Variants in EPB41L5 observed in about 807,000 individuals in gnomAD.
The protein encoded by EPB41L5 is band 4.1-like protein 5.
In EPB41L5, 55 loss-of-function variants were observed where a neutral mutation model predicts 106.6. That is an observed-to-expected ratio of 0.52 (90% CI 0.42 to 0.65). EPB41L5 has a LOEUF of 0.65. Among genes scored for constraint, EPB41L5 ranks in the 30% least tolerant of loss-of-function variants. EPB41L5 has a pLI of 0.00. For synonymous variants in EPB41L5, 297 were observed against 306.7 expected, an observed-to-expected ratio of 0.97 and a Z score of 0.33; for missense variants, 871 against 882.1, an observed-to-expected ratio of 0.99 and a Z score of 0.16.
rs558786204 is a variant in EPB41L5 at position 120,070,705 on chromosome 2, T to TC, written c.286-2471dup. 1.6e-3 allele frequency among the ~76,000 whole-genome samples: 250 copies of TC among 152,300 alleles called. 1 individual carries two copies. Among genetic ancestry groups the TC allele is most frequent in the African/African-American group, 5.8e-3 (240 of 41,560 alleles). ...AACATACGCAAATCAATAAACGTAA[T>TC]CCATCAGCTAAACAGAACCAATGAC... On this transcript the variant is annotated intron_variant, in intron 3 of 24. Transcript: ENST00000263713.
intron 13 of EPB41L5, among the ~76,000 whole-genome samples, 174 bp downstream of exon 13, chr2:120,091,835 A>G (rs530829113): frequency 1.3e-5 from 2 of 152,210 alleles, no homozygotes; most frequent in Non-Finnish European, 2.9e-5. Flanking sequence ...AATTGCCTGT[A>G]TTGTTAGCAG....
At chr2:120,037,724 A>C (rs941095782) in intron 2 of EPB41L5, among the ~76,000 whole-genome samples, 1 of 152,174 alleles carries the variant, frequency 6.6e-6, no homozygotes, top group African/African-American at 2.4e-5. Context: ...GAATAGAGAG[A>C]CTAGAAACAA....
At chr2:120,104,022 G>T in intron 16 of EPB41L5, 1 of 1,488,766 alleles carries the variant, frequency 6.7e-7, no homozygotes, top group South Asian at 1.3e-5. Context: ...TATTCCTATT[G>T]ACTAACTGTG....
intron 16 of EPB41L5, among the ~76,000 whole-genome samples, chr2:120,103,652 C>T (rs1324508596): frequency 1.3e-5 from 2 of 151,814 alleles, no homozygotes; most frequent in Non-Finnish European, 2.9e-5. Context: ...TGCTTTTGTC[C>T]TTATGTAGAG....
intron 22 of EPB41L5, among the ~76,000 whole-genome samples, chr2:120,165,359 A>G (rs1423468069): frequency 1.3e-5 from 2 of 152,214 alleles, no homozygotes; most frequent in Non-Finnish European, 2.9e-5. Flanking sequence ...ACCAAAATCC[A>G]TGCATGCTTA....
Position 120,164,960 on chromosome 2 carries a change from A to G in EPB41L5, c.1962+50A>G, listed in dbSNP as rs184309997. On this transcript the variant is annotated intron_variant, in intron 22 of 24. Coordinates refer to ENST00000263713, the MANE Select transcript of EPB41L5 (RefSeq NM_020909.4). ...ATGGAAAGAAATTTCTGTTTTGAAA[A>G]ATGTTCCTGCTAGATTCCAGTTTTT... 3.5e-3 allele frequency: 4,788 copies of G among 1,366,964 alleles called. 17 individuals are homozygous for G. The highest frequency in any genetic ancestry group is 5.9e-3 in the Admixed American group (284 of 48,092). 84.7% of individuals were successfully genotyped at this position (1,366,964 alleles called of 1,614,324 possible). A position where few individuals can be genotyped will look rare whatever the true frequency, so the allele number is the denominator to read the frequency against.
chr2:120,049,670 G>T (rs548369930), intron 3 of EPB41L5, among the ~76,000 whole-genome samples: 11 of 152,226 alleles, frequency 7.2e-5, no homozygotes, highest in African/African-American at 2.6e-4. Flanking sequence ...TACGTTTAAG[G>T]TTAATATTGC....
chr2:120,048,854 T>C (rs1158121187), intron 3 of EPB41L5, among the ~76,000 whole-genome samples: 1 of 152,238 alleles, frequency 6.6e-6, no homozygotes, highest in African/African-American at 2.4e-5. Context: ...CCAGAGATTC[T>C]GGTATGTTGT....
At chr2:120,105,413 C>T (rs1684391507) in intron 16 of EPB41L5, 5 of 984,468 alleles carry the variant, frequency 5.1e-6, no homozygotes, top group Non-Finnish European at 4.8e-6. Context: ...ATGCATCCTG[C>T]TCACATAGAG....
intron 16 of EPB41L5, among the ~76,000 whole-genome samples, chr2:120,117,853 C>A (rs1470189045): frequency 2.6e-5 from 4 of 152,116 alleles, no homozygotes; most frequent in African/African-American, 9.7e-5. Context: ...CCCCCTGCCC[C>A]CTCCCCATTT....
At chr2:120,043,671 A>G (rs1237093675) in intron 3 of EPB41L5, among the ~76,000 whole-genome samples, 1 of 152,034 alleles carries the variant, frequency 6.6e-6, no homozygotes. Flanking sequence ...CCAGGAACTT[A>G]GAGTTGGAGG....
intron 10 of EPB41L5, among the ~76,000 whole-genome samples, chr2:120,084,901 CT>C (rs1201326873): frequency 6.6e-6 from 1 of 152,214 alleles, no homozygotes; most frequent in Non-Finnish European, 1.5e-5. Context: ...GATACCCTTT[CT>C]TCCAGTTGAT....
intron 10 of EPB41L5, among the ~76,000 whole-genome samples, chr2:120,086,791 G>C (rs935056304): frequency 6.6e-6 from 1 of 151,900 alleles, no homozygotes; most frequent in Non-Finnish European, 1.5e-5. Flanking sequence ...CTTTATGGCT[G>C]TTTTTTTTAA....
chr2:120,154,485 T>C (rs1323082520), intron 20 of EPB41L5, among the ~76,000 whole-genome samples: 1 of 151,940 alleles, frequency 6.6e-6, no homozygotes, highest in Non-Finnish European at 1.5e-5. Flanking sequence ...ATTTAAAAAT[T>C]TATCCCTTAG....
At chr2:120,104,930 G>C (rs968243389) in intron 16 of EPB41L5, 2 of 959,040 alleles carry the variant, frequency 2.1e-6, no homozygotes, top group Non-Finnish European at 1.2e-6. Flanking sequence ...CAGTTAACCA[G>C]TGGTTAACTG....
intron 3 of EPB41L5, among the ~76,000 whole-genome samples, chr2:120,064,811 A>G (rs1052109864): frequency 4.6e-5 from 7 of 152,210 alleles, no homozygotes; most frequent in African/African-American, 1.7e-4. Flanking sequence ...CAAGGAAAAC[A>G]CTATCAGTGC....
At chr2:120,152,284 A>AT (rs1234259432) in intron 20 of EPB41L5, among the ~76,000 whole-genome samples, 1 of 151,986 alleles carries the variant, frequency 6.6e-6, no homozygotes, top group Non-Finnish European at 1.5e-5. Flanking sequence ...ATCAATTGAG[A>AT]TTTTTTCCTT....
intron 16 of EPB41L5, among the ~76,000 whole-genome samples, chr2:120,114,546 A>G (rs1474809853): frequency 6.6e-6 from 1 of 152,204 alleles, no homozygotes; most frequent in Non-Finnish European, 1.5e-5. Flanking sequence ...TTACATTATC[A>G]GGATATAACC....
chr2:120,016,455 TA>T (rs1378840903), intron 1 of EPB41L5, among the ~76,000 whole-genome samples: 1 of 151,962 alleles, frequency 6.6e-6, no homozygotes, highest in East Asian at 1.9e-4. Context: ...AAAAAAATAT[TA>T]ATAGCATGGT....
Sources: gnomAD v4.1 joint callset for allele counts (sites outside exome capture counted in the v4.1 genomes callset) on GRCh38, gnomAD v4.1.1 for gene constraint, MANE v1.5 for transcripts, NCBI Gene and HGNC (gene_info 2026-07-23, HGNC 2026-07-21) for gene names.